Variants in DARS1 observed in about 807,000 individuals in gnomAD.
The protein encoded by DARS1 is aspartate--tRNA ligase, cytoplasmic.
Under a neutral mutation model 68.8 loss-of-function variants are expected in DARS1, and 51 were observed. The observed-to-expected ratio is 0.74, with a 90% CI of 0.59 to 0.94. The LOEUF is 0.94. DARS1 is among the 40% of genes least tolerant of loss of function. The pLI, the probability that DARS1 is intolerant of heterozygous loss-of-function variation, is 0.00. For missense variants in DARS1, 607 were observed against 597.3 expected (o/e 1.02, Z -0.17); for synonymous variants, 203 against 190.4 (o/e 1.07, Z -0.55).
intron 3 of DARS1, among the ~76,000 whole-genome samples, chr2:135,964,379 G>A (rs1353475217): frequency 6.6e-6 from 1 of 152,060 alleles, no homozygotes; most frequent in Admixed American, 6.6e-5. Flanking sequence ...ACACTCACAG[G>A]TAGGTACAGA....
intron 3 of DARS1, among the ~76,000 whole-genome samples, chr2:135,962,769 C>A (rs924436398): frequency 1.3e-5 from 2 of 152,076 alleles, no homozygotes; most frequent in African/African-American, 4.8e-5. Context: ...GAAACAAATT[C>A]AAAGGAGTTT....
chr2:135,958,923 T>C (rs903579537), intron 4 of DARS1, among the ~76,000 whole-genome samples: 1 of 151,998 alleles, frequency 6.6e-6, no homozygotes, highest in African/African-American at 2.4e-5. Flanking sequence ...TGCTACTTTA[T>C]ATAAAGTCCA....
chr2:135,926,705 G>C (rs1232849715), intron 7 of DARS1, among the ~76,000 whole-genome samples: 1 of 152,078 alleles, frequency 6.6e-6, no homozygotes, highest in East Asian at 1.9e-4. Context: ...TATCTTACTA[G>C]CAAGAATACC....
chr2:135,953,420 G>A (rs1461036704), intron 4 of DARS1, among the ~76,000 whole-genome samples: 3 of 152,162 alleles, frequency 2.0e-5, no homozygotes, highest in African/African-American at 7.2e-5. Flanking sequence ...AACATCAGTG[G>A]CATACACCAC....
chr2:135,938,857 A>C (rs2104815173), intron 5 of DARS1, among the ~76,000 whole-genome samples: 1 of 152,328 alleles, frequency 6.6e-6, no homozygotes, highest in African/African-American at 2.4e-5. Flanking sequence ...CAGGGGTTGC[A>C]ACCCTAGTCT....
chr2:135,953,231 T>C (rs1681882561), intron 4 of DARS1, among the ~76,000 whole-genome samples: 2 of 152,240 alleles, frequency 1.3e-5, no homozygotes. Context: ...TTGCTGTTGA[T>C]GGAGCAATTC....
Position 135,916,387 on chromosome 2 carries a change from A to G in DARS1, c.960-15T>C, listed in dbSNP as rs368203227. 43 of 1,435,328 alleles carry G rather than the reference A, an allele frequency of 3.0e-5. No individual in the cohort carries two copies. The African/African-American group carries it at 5.5e-4, about 18-fold the overall frequency. 88.9% of individuals were successfully genotyped at this position (1,435,328 alleles called of 1,614,324 possible). On this transcript the variant is annotated splice_polypyrimidine_tract_variant and intron_variant, in intron 10 of 15. Transcript: ENST00000264161. ...CAGTCTGAAACCTATTTGCAGAATG[A>G]TTTAGTTAATAAAATGTATGAGATA...
At chr2:135,923,473 A>T (rs1435442532) in intron 8 of DARS1, among the ~76,000 whole-genome samples, 2 of 151,996 alleles carry the variant, frequency 1.3e-5, no homozygotes, top group Non-Finnish European at 2.9e-5. Context: ...TATTTTTAGT[A>T]CAGACGGGGT....
chr2:135,919,755 T>C (rs770390352), intron 10 of DARS1, among the ~76,000 whole-genome samples: 19 of 152,312 alleles, frequency 1.2e-4, no homozygotes, highest in Middle Eastern at 3.4e-3. Flanking sequence ...CTAGAACACA[T>C]CTAATATTTC....
At chr2:135,950,663 T>G (rs192736485) in intron 4 of DARS1, among the ~76,000 whole-genome samples, 102 of 152,196 alleles carry the variant, frequency 6.7e-4, no homozygotes, top group Non-Finnish European at 1.3e-4. Flanking sequence ...ACTTAGAAAC[T>G]AAGAGATAAA....
chr2:135,912,925 A>G (rs1231087907), intron 12 of DARS1, among the ~76,000 whole-genome samples: 2 of 151,316 alleles, frequency 1.3e-5, no homozygotes, highest in South Asian at 2.1e-4. Flanking sequence ...GAATCTCGCT[A>G]TGTTTGCCCA....
At chr2:135,928,710 G>C (rs1244339232) in intron 7 of DARS1, among the ~76,000 whole-genome samples, 1 of 142,258 alleles carries the variant, frequency 7.0e-6, no homozygotes, top group Non-Finnish European at 1.5e-5. Flanking sequence ...CTTTCTTGTC[G>C]CCCAGGCTAG....
intron 15 of DARS1, among the ~76,000 whole-genome samples, chr2:135,909,398 T>G (rs543917185): frequency 6.6e-6 from 1 of 152,330 alleles, no homozygotes; most frequent in East Asian, 1.9e-4. Flanking sequence ...GTATTTACAG[T>G]GTATGATGTG....
rs1373800273 is a variant in DARS1, at chr2:135,924,718, T to C, written c.565-220A>G. Among the ~76,000 whole-genome samples the C allele has an allele frequency of 3.9e-5, 6 of 152,260 alleles. No individual in the cohort carries two copies. The East Asian group carries it at 1.2e-3, about 29-fold the overall frequency. ...TCATATAAAGGAATTTCACCGGAAA[T>C]CCTTAGTGAGCAGATGTTTTAATTT... On this transcript the variant is annotated intron_variant, in intron 7 of 15. Transcript: ENST00000264161.
intron 5 of DARS1, among the ~76,000 whole-genome samples, chr2:135,935,209 T>C (rs1681440952): frequency 6.6e-6 from 1 of 152,146 alleles, no homozygotes; most frequent in Non-Finnish European, 1.5e-5. Flanking sequence ...TACCCCTTCA[T>C]TGCTCTCTCT....
chr2:135,920,624 G>C (rs150288268), intron 9 of DARS1, 24 bp from the exon 10 acceptor site: 2 of 1,560,490 alleles, frequency 1.3e-6, no homozygotes, highest in African/African-American at 1.4e-5. Flanking sequence ...AAAAGAAATA[G>C]AGAGCAAACA....
rs576100690 is a variant in DARS1, at chr2:135,940,752, T to G, written c.423+2626A>C. On this transcript the variant is annotated intron_variant, in intron 5 of 15. Coordinates refer to ENST00000264161, the MANE Select transcript of DARS1 (RefSeq NM_001349.4). The stretch of plus-strand genomic sequence containing the variant: ...TTTGCAGATGACATGATTGTATATT[T>G]AGAAAACCCCATCGTCTCAGGCCAA... 8.7e-4 allele frequency among the ~76,000 whole-genome samples: 133 copies of G among 152,290 alleles called. 3 individuals carry two copies. Among genetic ancestry groups the G allele is most frequent in the African/African-American group, 2.8e-3 (116 of 41,548 alleles).
At chr2:135,919,927 A>G (rs1681081263) in intron 10 of DARS1, among the ~76,000 whole-genome samples, 1 of 152,236 alleles carries the variant, frequency 6.6e-6, no homozygotes, top group Admixed American at 6.5e-5. Context: ...TGACTGAAGG[A>G]ACTTTTTGCC....
intron 5 of DARS1, among the ~76,000 whole-genome samples, chr2:135,940,475 ACT>A (rs1681570945): frequency 6.6e-6 from 1 of 152,126 alleles, no homozygotes; most frequent in Non-Finnish European, 1.5e-5. Context: ...CATGCTAAAA[ACT>A]CTTAATAAAC....
Sources: gnomAD v4.1 joint callset for allele counts (sites outside exome capture counted in the v4.1 genomes callset) on GRCh38, gnomAD v4.1.1 for gene constraint, MANE v1.5 for transcripts, NCBI Gene and HGNC (gene_info 2026-07-23, HGNC 2026-07-21) for gene names.